The following ADAMTS6 variants were observed in gnomAD, a reference collection of about 807,000 sequenced individuals.
ADAMTS6 encodes A disintegrin and metalloproteinase with thrombospondin motifs 6.
Under a neutral mutation model 144.3 loss-of-function variants are expected in ADAMTS6, and 23 were observed. The observed-to-expected ratio is 0.16, with a 90% confidence interval of 0.11 to 0.23. The LOEUF (loss-of-function observed/expected upper bound fraction) is 0.23, where lower values mean the gene tolerates loss of function less well. Ranked by LOEUF, ADAMTS6 falls within the 10% of genes least tolerant of loss-of-function variation. ADAMTS6 has a pLI of 1.00. For missense variants in ADAMTS6, 999 were observed against 1,379.6 expected, an observed-to-expected ratio of 0.72 and a Z score of 4.37; for synonymous variants, 444 against 457.5, an observed-to-expected ratio of 0.97 and a Z score of 0.38.
At chr5:65,250,527 A>G (rs1271565397) in intron 14 of ADAMTS6, among the ~76,000 whole-genome samples, 3 of 152,238 alleles carry the variant, frequency 2.0e-5, no homozygotes, top group Non-Finnish European at 1.5e-5. Context: ...CAAGTACTAC[A>G]TAACCTATAC....
intron 22 of ADAMTS6, among the ~76,000 whole-genome samples, chr5:65,183,174 C>G (rs1399231791): frequency 6.6e-6 from 1 of 152,118 alleles, no homozygotes; most frequent in African/African-American, 2.4e-5. Context: ...CAGAGAAGTC[C>G]TCAGTTTGTT....
intron 23 of ADAMTS6, among the ~76,000 whole-genome samples, chr5:65,172,407 C>T (rs1753690008): frequency 6.7e-6 from 1 of 150,324 alleles, no homozygotes; most frequent in Admixed American, 6.6e-5. Context: ...GAGTGAGACT[C>T]CATCTCAAAA....
intron 20 of ADAMTS6, chr5:65,210,450 CAAAAA>C (rs59171341): frequency 8.8e-4 from 92 of 104,700 alleles, no homozygotes; most frequent in South Asian, 2.7e-3. Flanking sequence ...AACTCCGTCT[CAAAAA>C]AAAAAAAAAA....
At chr5:65,244,042 A>G (rs1379169243) in intron 14 of ADAMTS6, among the ~76,000 whole-genome samples, 1 of 152,170 alleles carries the variant, frequency 6.6e-6, no homozygotes, top group Non-Finnish European at 1.5e-5. Context: ...TGCTGGATAC[A>G]AGTGAAATAT....
rs750512680 is a variant in ADAMTS6 at position 65,214,766 on chromosome 5, TG to T, written c.2575+27del. 20 of 1,614,000 alleles carry T rather than the reference TG, an allele frequency of 1.2e-5. No individual in the cohort carries two copies. In the East Asian group the frequency reaches 3.3e-4, roughly 27 times the overall value. On this transcript the variant is annotated intron_variant, in intron 20 of 24. Coordinates refer to ENST00000381055, the MANE Select transcript of ADAMTS6 (RefSeq NM_197941.4). The surrounding 1 kb of genome is among the most constrained non-coding windows in gnomAD (Gnocchi z 4.6). ...GTGTTTTGTTCTCCATCTTGCCCTC[TG>T]GGTGGGCTGCCTAGTGGGCATCTTA...
chr5:65,222,406 T>C lies in ADAMTS6; in HGVS notation c.2272+1914A>G, dbSNP rs145282101. ...TAGTGTTAGAGCAATTGAATATTCATATGAAAAAATGGAACATCAACCCTT... is the reference window on the plus strand; with the variant it reads ...TAGTGTTAGAGCAATTGAATATTCACATGAAAAAATGGAACATCAACCCTT... On this transcript the variant is annotated intron_variant, in intron 18 of 24. Transcript: ENST00000381055. 3.0e-3 allele frequency among the ~76,000 whole-genome samples: 461 copies of C among 152,254 alleles called. 1 individual carries two copies. The highest frequency in any genetic ancestry group is 0.011 in the African/African-American group (442 of 41,576).
At chr5:65,191,406 GC>G (rs760612137) in intron 21 of ADAMTS6, among the ~76,000 whole-genome samples, 2 of 152,032 alleles carry the variant, frequency 1.3e-5, no homozygotes, top group Non-Finnish European at 2.9e-5. Context: ...TATTGTTTTT[GC>G]TTTTTAATTT....
chr5:65,481,244 GAA>G (rs1378066011), intron 1 of ADAMTS6, 97 bp downstream of exon 1: 15 of 130,888 alleles, frequency 1.1e-4, no homozygotes, highest in Non-Finnish European at 1.9e-4. Context: ...CACACACACA[GAA>G]AAAAAGTTTT....
chr5:65,287,819 C>A (rs945728197), intron 11 of ADAMTS6, among the ~76,000 whole-genome samples: 2 of 152,102 alleles, frequency 1.3e-5, no homozygotes, highest in African/African-American at 2.4e-5. Flanking sequence ...CGTGAGCCAC[C>A]GTGCCTGGCC....
In ADAMTS6 at chr5:65,471,035, T is replaced by G; in HGVS notation, c.205A>C (p.Arg69=). 6.2e-7 allele frequency: 1 copy of G among 1,612,158 alleles called. No individual in the cohort carries two copies. The highest frequency in any genetic ancestry group is 8.5e-7 in the Non-Finnish European group (1 of 1,179,368). ...FTVKNDKHSR[R]RRSMDPIDPQ... ...TCAATAGGGTCCATACTCCGTCTTC[T>G]CCTTGAGTGTTTATCATTTTTCACA... The change falls in exon 3 of 25, where the codon AGA becomes CGA. Residue 69 remains arginine, a synonymous_variant. Transcript: ENST00000381055.
intron 10 of ADAMTS6, chr5:65,297,076 T>C: frequency 7.8e-6 from 3 of 382,752 alleles, no homozygotes; most frequent in Non-Finnish European, 1.5e-5. Context: ...AATAAATAAA[T>C]CAGTCCCGCA....
intron 20 of ADAMTS6, among the ~76,000 whole-genome samples, chr5:65,206,995 A>T (rs144652021): frequency 2.0e-5 from 3 of 152,296 alleles, no homozygotes; most frequent in African/African-American, 7.2e-5. Flanking sequence ...AAAAGTAATG[A>T]TAGCATTTTA....
At chr5:65,194,052 T>C (rs772900251) in intron 21 of ADAMTS6, among the ~76,000 whole-genome samples, 3 of 152,192 alleles carry the variant, frequency 2.0e-5, no homozygotes, top group Non-Finnish European at 4.4e-5. Context: ...TTCTTTTTGC[T>C]TATCTGCCTA....
chr5:65,188,090 G>T lies in ADAMTS6; in HGVS notation c.2836C>A (p.His946Asn). The change falls in exon 22 of 25, where the codon CAC (histidine) becomes AAC (asparagine). Residue 946 changes from histidine (H) to asparagine (N), a missense_variant. His to Asn is a moderately conservative substitution (Grantham distance 68). This residue lies in a region of ADAMTS6 where 619 missense variants were observed against 837.0 expected (regional missense o/e 0.74). Coordinates refer to ENST00000381055, the MANE Select transcript of ADAMTS6 (RefSeq NM_197941.4). ...ETLDYSGCLTHRPVEKEPCNN... is the reference protein window; with the variant it reads ...ETLDYSGCLTNRPVEKEPCNN... Reference sequence around the variant, plus strand: ...CAGGGCTCTTTTTCGACAGGCCGGTGTGTTAAACAACCACTGTAGTCCAGC... The same window carrying T: ...CAGGGCTCTTTTTCGACAGGCCGGTTTGTTAAACAACCACTGTAGTCCAGC... 6.2e-7 allele frequency: 1 copy of T among 1,614,158 alleles called. No homozygotes were observed. The highest frequency in any genetic ancestry group is 8.5e-7 in the Non-Finnish European group (1 of 1,179,996).
chr5:65,186,613 T>C (rs1754686489), intron 22 of ADAMTS6, among the ~76,000 whole-genome samples: 1 of 152,236 alleles, frequency 6.6e-6, no homozygotes, highest in African/African-American at 2.4e-5. Flanking sequence ...GAATGTCTAT[T>C]CTTTATCAAT....
intron 15 of ADAMTS6, among the ~76,000 whole-genome samples, chr5:65,231,056 G>T (rs1758205032): frequency 6.6e-6 from 1 of 150,826 alleles, no homozygotes; most frequent in South Asian, 2.1e-4. Context: ...TACTTTAAAT[G>T]TAAATGGATT....
chr5:65,275,177 G>T, intron 11 of ADAMTS6, among the ~76,000 whole-genome samples: 1 of 120,674 alleles, frequency 8.3e-6, no homozygotes, highest in Non-Finnish European at 1.6e-5. Flanking sequence ...CTGCACCATT[G>T]CACTCCAGCC....
intron 12 of ADAMTS6, among the ~76,000 whole-genome samples, chr5:65,265,429 T>G (rs1761536795): frequency 6.6e-6 from 1 of 152,116 alleles, no homozygotes; most frequent in Admixed American, 6.6e-5. Context: ...GATCTGCACC[T>G]ATACAAAAGT....
chr5:65,354,873 C>T (rs1173627580), intron 7 of ADAMTS6, among the ~76,000 whole-genome samples: 1 of 151,598 alleles, frequency 6.6e-6, no homozygotes, highest in Non-Finnish European at 1.5e-5. Context: ...CCTTGGAGGT[C>T]GCCAACCTAA....
Sources: gnomAD v4.1 joint callset for allele counts (sites outside exome capture counted in the v4.1 genomes callset) on GRCh38, gnomAD v4.1.1 for gene constraint, gnomAD v4.1.1 regional missense constraint, Gnocchi (gnomAD v3.1) non-coding constraint, MANE v1.5 for transcripts, NCBI Gene and HGNC (gene_info 2026-07-23, HGNC 2026-07-21) for gene names.